PDS5A: variants seen among roughly 807,000 people sequenced by gnomAD.
PDS5A encodes the protein sister chromatid cohesion protein PDS5 homolog A.
Under a neutral mutation model 167.1 loss-of-function variants are expected in PDS5A, and 42 were observed. The ratio of observed to expected loss-of-function variants is 0.25; its 90% CI spans 0.20 to 0.33. PDS5A has a LOEUF of 0.33. Ranked by LOEUF, PDS5A falls within the 10% of genes least tolerant of loss-of-function variation. The pLI, the probability that PDS5A is intolerant of heterozygous loss-of-function variation, is 1.00. For synonymous variants in PDS5A, 553 were observed against 554.6 expected (o/e 1.00, Z 0.04); for missense variants, 1,033 against 1,605.9 (o/e 0.64, Z 6.10).
chr4:39,845,441 AT>A (rs979709855), intron 29 of PDS5A, among the ~76,000 whole-genome samples: 1 of 152,128 alleles, frequency 6.6e-6, no homozygotes, highest in African/African-American at 2.4e-5. Context: ...AAAAAACTAA[AT>A]TTCCTTTTGC....
chr4:39,876,694 T>C (rs1311211121), intron 19 of PDS5A, among the ~76,000 whole-genome samples: 1 of 151,844 alleles, frequency 6.6e-6, no homozygotes, highest in Non-Finnish European at 1.5e-5. Context: ...TAGAAAGACA[T>C]TAGTCATAAA....
At chr4:39,972,058 A>AT (rs1170666373) in intron 2 of PDS5A, among the ~76,000 whole-genome samples, 4 of 152,186 alleles carry the variant, frequency 2.6e-5, no homozygotes, top group Non-Finnish European at 5.9e-5. Flanking sequence ...ATGAACGTCG[A>AT]TTTTAACTTC....
rs1445766904 is a variant in PDS5A, at chr4:39,977,301, C to T, written c.-41+156G>A. Reference sequence around the variant, plus strand: ...GAGGGACCCCAGCTGCTTCTCTGGCCCCCGGCCGCTTGGCGCCTCCGGCAC... The same window carrying T: ...GAGGGACCCCAGCTGCTTCTCTGGCTCCCGGCCGCTTGGCGCCTCCGGCAC... On this transcript the variant is annotated intron_variant, in intron 1 of 32. Transcript: ENST00000303538. This position sits in a 1 kb window ranked among gnomAD's most constrained non-coding sequence, Gnocchi z 4.2. 1.3e-5 allele frequency among the ~76,000 whole-genome samples: 2 copies of T among 151,994 alleles called. No homozygotes were observed. Among genetic ancestry groups the T allele is most frequent in the Non-Finnish European group, 2.9e-5 (2 of 67,954 alleles).
At chr4:39,962,111 G>A (rs1729533181) in intron 2 of PDS5A, among the ~76,000 whole-genome samples, 1 of 151,560 alleles carries the variant, frequency 6.6e-6, no homozygotes, top group African/African-American at 2.4e-5. Flanking sequence ...AGGATGGAGT[G>A]CAGTGGCACA....
intron 16 of PDS5A, among the ~76,000 whole-genome samples, chr4:39,891,080 C>T (rs994657720): frequency 3.3e-5 from 5 of 151,450 alleles, no homozygotes; most frequent in African/African-American, 1.2e-4. Flanking sequence ...GTCACTCAGG[C>T]TGGAATGCAA....
chr4:39,917,808 C>T lies in PDS5A; in HGVS notation c.736-620G>A, dbSNP rs565834647. Among the ~76,000 whole-genome samples the T allele has an allele frequency of 7.9e-5, 12 of 152,268 alleles. No individual in the cohort carries two copies. The East Asian group carries it at 2.3e-3, about 30-fold the overall frequency. ...CAGGCTGGTCTCGAACTCCGTACCT[C>T]AGGTGATCTACAGGCCTCGGCCTCC... On this transcript the variant is annotated intron_variant, in intron 7 of 32. Coordinates refer to ENST00000303538, the MANE Select transcript of PDS5A (RefSeq NM_001100399.2).
chr4:39,918,353 C>A (rs560695409), intron 7 of PDS5A, among the ~76,000 whole-genome samples: 1 of 120,370 alleles, frequency 8.3e-6, no homozygotes, highest in East Asian at 2.5e-4. Context: ...AATACAAAAG[C>A]TGATTTTTTT....
intron 2 of PDS5A, among the ~76,000 whole-genome samples, chr4:39,962,477 T>C (rs2109809573): frequency 6.6e-6 from 1 of 152,248 alleles, no homozygotes; most frequent in South Asian, 2.1e-4. Context: ...GTTGGCTTCA[T>C]TGGAAAACAT....
chr4:39,918,201 A>AAC (rs1235977497), intron 7 of PDS5A, among the ~76,000 whole-genome samples: 135 of 150,764 alleles, frequency 9.0e-4, no homozygotes, highest in Non-Finnish European at 1.7e-3. Context: ...AAAAAAAAAA[A>AAC]CAGAATAATT....
At position 39,900,414 on chromosome 4, in the gene PDS5A, T is replaced by A; in HGVS notation, c.1581+12A>T. The stretch of plus-strand genomic sequence containing the variant: ...ATAATAAACTATGAATTTAAACAAA[T>A]CATGAACCTACTGTAGGCTGCTTGT... On this transcript the variant is annotated intron_variant, in intron 14 of 32. Coordinates refer to ENST00000303538, the MANE Select transcript of PDS5A (RefSeq NM_001100399.2). 6.5e-7 allele frequency: 1 copy of A among 1,533,290 alleles called. No homozygotes were observed. Among genetic ancestry groups the A allele is most frequent in the South Asian group, 1.2e-5 (1 of 84,508 alleles). 95.0% of individuals were successfully genotyped at this position (1,533,290 alleles called of 1,614,324 possible). A position where few individuals can be genotyped will look rare whatever the true frequency, so the allele number is the denominator to read the frequency against.
chr4:39,914,700 A>G (rs1431914626), intron 8 of PDS5A, among the ~76,000 whole-genome samples: 1 of 152,222 alleles, frequency 6.6e-6, no homozygotes, highest in African/African-American at 2.4e-5. Flanking sequence ...GCCATGCTTT[A>G]ATGTAAAATA....
At chr4:39,900,541 A>G in intron 13 of PDS5A, 34 bp from the exon 14 acceptor site, 1 of 1,307,470 alleles carries the variant, frequency 7.6e-7, no homozygotes, top group South Asian at 1.3e-5. Context: ...CACACATTAC[A>G]TAACAATACT....
chr4:39,837,582 A>G, intron 32 of PDS5A: 1 of 361,488 alleles, frequency 2.8e-6, no homozygotes, highest in Non-Finnish European at 4.9e-6. Flanking sequence ...GCACTAAGCA[A>G]AAGAAATATT....
Position 39,976,423 on chromosome 4 carries a change from T to G in PDS5A, c.138+17A>C. ...GCGCCTTCTACCAAAGACATCAAAA[T>G]CCGTCCAGACACTTACCTTCAGGCG... On this transcript the variant is annotated intron_variant, in intron 2 of 32. Transcript: ENST00000303538. 6.2e-7 allele frequency: 1 copy of G among 1,603,486 alleles called. No homozygotes were observed. Among genetic ancestry groups the G allele is most frequent in the Non-Finnish European group, 8.5e-7 (1 of 1,171,510 alleles).
chr4:39,897,555 C>T (rs1034447047), intron 16 of PDS5A, among the ~76,000 whole-genome samples: 1 of 152,082 alleles, frequency 6.6e-6, no homozygotes, highest in Non-Finnish European at 1.5e-5. Flanking sequence ...TGTACCACCA[C>T]ACCTGGCAAA....
chr4:39,927,174 G>A (rs1315113290), intron 3 of PDS5A, among the ~76,000 whole-genome samples: 1 of 152,112 alleles, frequency 6.6e-6, no homozygotes, highest in Non-Finnish European at 1.5e-5. Flanking sequence ...TCTCCACCTT[G>A]CATCGGGGCA....
chr4:39,841,807 C>T lies in PDS5A; in HGVS notation c.3657+141G>A, dbSNP rs148594677. 1,161 of 567,876 alleles carry T rather than the reference C, an allele frequency of 2.0e-3. 10 individuals carry two copies. The highest frequency in any genetic ancestry group is 0.016 in the African/African-American group (827 of 52,750). The allele number at this position is 567,876 out of a possible 1,614,324, so 35.2% of individuals were successfully genotyped here. On this transcript the variant is annotated intron_variant, in intron 31 of 32. Coordinates refer to ENST00000303538, the MANE Select transcript of PDS5A (RefSeq NM_001100399.2). Reference sequence around the variant, plus strand: ...GGAAGTATAGCCGGGGTGCGGGAAGCGGGGAGAAGGTGTGTGGTAATACAC... The same window carrying T: ...GGAAGTATAGCCGGGGTGCGGGAAGTGGGGAGAAGGTGTGTGGTAATACAC...
chr4:39,889,650 T>C (rs1387271820), intron 17 of PDS5A, among the ~76,000 whole-genome samples: 1 of 152,226 alleles, frequency 6.6e-6, no homozygotes, highest in Non-Finnish European at 1.5e-5. Flanking sequence ...AAAAAATCAA[T>C]AGCTCTTAAC....
chr4:39,886,213 T>C (rs1482140202), intron 17 of PDS5A, among the ~76,000 whole-genome samples: 1 of 152,206 alleles, frequency 6.6e-6, no homozygotes, highest in African/African-American at 2.4e-5. Flanking sequence ...TTGATTTGGT[T>C]ACTGTAGTTT....
Sources: gnomAD v4.1 joint callset for allele counts (sites outside exome capture counted in the v4.1 genomes callset) on GRCh38, gnomAD v4.1.1 for gene constraint, Gnocchi (gnomAD v3.1) non-coding constraint, MANE v1.5 for transcripts, NCBI Gene and HGNC (gene_info 2026-07-23, HGNC 2026-07-21) for gene names.